The following CHODL variants were observed in gnomAD, a reference collection of about 807,000 sequenced individuals.
The protein encoded by CHODL is transmembrane protein MT75.
CHODL carries 29 observed loss-of-function variants against 34.5 expected under a neutral mutation model. The ratio of observed to expected loss-of-function variants is 0.84; its 90% CI spans 0.63 to 1.15. CHODL has a LOEUF of 1.15. CHODL is among the 50% of genes most tolerant of loss of function. The pLI, the probability that CHODL is intolerant of heterozygous loss-of-function variation, is 0.00. For synonymous variants in CHODL, 125 were observed against 116.1 expected, an observed-to-expected ratio of 1.08 and a Z score of -0.49; for missense variants, 332 against 332.5, an observed-to-expected ratio of 1.00 and a Z score of 0.01.
At chr21:18,153,816 A>C (rs1223610055) in intron 2 of CHODL, among the ~76,000 whole-genome samples, 2 of 152,184 alleles carry the variant, frequency 1.3e-5, no homozygotes, top group African/African-American at 4.8e-5. Context: ...CTACTAAAAC[A>C]GATTTCCTCT....
intron 2 of CHODL, among the ~76,000 whole-genome samples, chr21:18,201,294 A>G (rs1412952458): frequency 3.3e-5 from 5 of 152,146 alleles, no homozygotes; most frequent in Non-Finnish European, 7.4e-5. Context: ...CTTAGATTTT[A>G]TAAATGGGGA....
intron 1 of CHODL, among the ~76,000 whole-genome samples, chr21:17,942,325 T>G (rs1173261444): frequency 6.6e-6 from 1 of 152,086 alleles, no homozygotes; most frequent in Non-Finnish European, 1.5e-5. Flanking sequence ...AATTGAATCA[T>G]GGGGGTGGGT....
At chr21:18,164,462 A>C (rs1007245602) in intron 2 of CHODL, among the ~76,000 whole-genome samples, 10 of 152,210 alleles carry the variant, frequency 6.6e-5, no homozygotes, top group Admixed American at 5.9e-4. Flanking sequence ...AGTCAACTTC[A>C]GTTTTTTTTA....
At chr21:18,021,992 C>G (rs990388972) in intron 1 of CHODL, among the ~76,000 whole-genome samples, 1 of 152,118 alleles carries the variant, frequency 6.6e-6, no homozygotes, top group Non-Finnish European at 1.5e-5. Context: ...TAGGGGAGGT[C>G]ATGAGGGTGA....
intron 1 of CHODL, among the ~76,000 whole-genome samples, chr21:17,935,838 T>C (rs867390183): frequency 6.6e-6 from 1 of 152,104 alleles, no homozygotes; most frequent in South Asian, 2.1e-4. Flanking sequence ...TGGGTGCTGA[T>C]TGAGGTGATG....
intron 2 of CHODL, among the ~76,000 whole-genome samples, chr21:18,062,701 G>A (rs754654131): frequency 1.4e-4 from 21 of 152,122 alleles, no homozygotes; most frequent in Non-Finnish European, 2.6e-4. Context: ...AGGAGACGGA[G>A]GTTGCAGTGA....
intron 2 of CHODL, chr21:18,114,905 G>A (rs2065394278): frequency 6.6e-6 from 1 of 152,284 alleles, no homozygotes; most frequent in Non-Finnish European, 1.5e-5. Flanking sequence ...ATGTGTGAGT[G>A]AGGCCACCAG....
intron 2 of CHODL, among the ~76,000 whole-genome samples, chr21:18,057,487 A>G (rs1412778376): frequency 1.3e-5 from 2 of 152,094 alleles, no homozygotes; most frequent in East Asian, 3.9e-4. Flanking sequence ...GTTACAATCA[A>G]TGAACCTGAC....
At chr21:18,037,273 G>A (rs2064322534) in intron 2 of CHODL, among the ~76,000 whole-genome samples, 1 of 151,912 alleles carries the variant, frequency 6.6e-6, no homozygotes, top group African/African-American at 2.4e-5. Flanking sequence ...TGGGCTAAGT[G>A]AAATGTATAT....
At chr21:18,141,150 G>A (rs2072796907) in intron 2 of CHODL, among the ~76,000 whole-genome samples, 1 of 152,024 alleles carries the variant, frequency 6.6e-6, no homozygotes, top group South Asian at 2.1e-4. Flanking sequence ...AAGTAATGGA[G>A]ATAAACCCAG....
At chr21:17,918,179 G>T (rs145314869) in intron 1 of CHODL, among the ~76,000 whole-genome samples, 1,578 of 152,116 alleles carry the variant, frequency 0.01, 29 homozygotes, top group African/African-American at 0.036. Flanking sequence ...TTTCAAGTTT[G>T]ATGAGGGGTT....
At chr21:18,018,284 G>C (rs1214363514) in intron 1 of CHODL, among the ~76,000 whole-genome samples, 4 of 152,066 alleles carry the variant, frequency 2.6e-5, no homozygotes, top group Non-Finnish European at 5.9e-5. Flanking sequence ...TATGATTTTT[G>C]GGAGAGGTCA....
rs149108278 is a variant in CHODL, at chr21:17,996,654, C to T, written c.-144-31218C>T. On this transcript the variant is annotated intron_variant, in intron 1 of 6. Coordinates refer to the CHODL transcript ENST00000400127. ...AAAGGATAAATGTATTTTTGCCAAG[C>T]TGCCAAGGTAGTAGAGGGGCTAAGT... is the stretch of plus-strand genomic sequence containing the variant. Among the ~76,000 whole-genome samples the T allele has an allele frequency of 5.5e-3, 844 of 152,278 alleles. 8 individuals carry two copies. The highest frequency in any genetic ancestry group is 0.013 in the African/African-American group (556 of 41,550).
chr21:17,954,726 C>A (rs1478508531), intron 1 of CHODL, among the ~76,000 whole-genome samples: 1 of 133,822 alleles, frequency 7.5e-6, no homozygotes, highest in Non-Finnish European at 1.7e-5. Flanking sequence ...TTTCCTGAAT[C>A]TCCAGCTTGC....
intron 2 of CHODL, among the ~76,000 whole-genome samples, chr21:18,044,511 T>TA (rs2064417216): frequency 6.6e-6 from 1 of 152,006 alleles, no homozygotes; most frequent in Non-Finnish European, 1.5e-5. Flanking sequence ...CTTTGCGCTG[T>TA]AACCTACAAA....
chr21:18,031,736 GAGTCCACTAAGATTCTACT>G (rs1235451621), intron 2 of CHODL, among the ~76,000 whole-genome samples: 2 of 151,870 alleles, frequency 1.3e-5, no homozygotes, highest in Non-Finnish European at 2.9e-5. Context: ...AATAGCTGTT[GAGTCCACTAAGATTCTACT>G]TGAGGCCCAA....
At chr21:18,010,610 T>G (rs186299934) in intron 1 of CHODL, among the ~76,000 whole-genome samples, 31 of 152,356 alleles carry the variant, frequency 2.0e-4, no homozygotes, top group African/African-American at 7.2e-4. Flanking sequence ...GGTTTGCTTG[T>G]GCTGTTCTTT....
At chr21:17,949,566 A>G in intron 1 of CHODL, among the ~76,000 whole-genome samples, 1 of 152,166 alleles carries the variant, frequency 6.6e-6, no homozygotes, top group East Asian at 1.9e-4. Context: ...CTGTGTTCCC[A>G]TATCCTGAAT....
intron 1 of CHODL, among the ~76,000 whole-genome samples, chr21:17,937,562 A>T (rs913151993): frequency 5.9e-5 from 9 of 152,216 alleles, no homozygotes; most frequent in Non-Finnish European, 1.0e-4. Context: ...TTGTTTCTTC[A>T]TAAAAATACA....
Sources: allele counts gnomAD v4.1 joint callset (sites outside exome capture counted in the v4.1 genomes callset), GRCh38; gene constraint gnomAD v4.1.1; transcripts MANE v1.5; gene names NCBI Gene and HGNC (gene_info 2026-07-23, HGNC 2026-07-21).